Variants in ARHGEF10 observed in about 807,000 individuals in gnomAD.
The protein encoded by ARHGEF10 is Rho guanine nucleotide exchange factor (GEF) 10.
ARHGEF10 carries 140 observed loss-of-function variants against 147.4 expected under a neutral mutation model. That is an observed-to-expected ratio of 0.95 (90% confidence interval 0.83 to 1.09). The LOEUF (loss-of-function observed/expected upper bound fraction) is 1.09, where lower values mean the gene tolerates loss of function less well. Ranked by LOEUF, ARHGEF10 falls within the 50% of genes least tolerant of loss-of-function variation. The pLI, the probability that ARHGEF10 is intolerant of heterozygous loss-of-function variation, is 0.00. For synonymous variants in ARHGEF10, 902 were observed against 695.8 expected (o/e 1.30, Z -4.67); for missense variants, 2,222 against 1,752.7 (o/e 1.27, Z -4.78).
intron 8 of ARHGEF10, among the ~76,000 whole-genome samples, chr8:1,879,323 T>C (rs965071468): frequency 6.6e-6 from 1 of 152,188 alleles, no homozygotes; most frequent in African/African-American, 2.4e-5. Context: ...AATATGTCAC[T>C]TTCAGTATAG....
chr8:1,878,420 C>A (rs952786907), intron 8 of ARHGEF10, among the ~76,000 whole-genome samples: 1 of 152,080 alleles, frequency 6.6e-6, no homozygotes. Context: ...CTCCTGACCT[C>A]GTGATCTGCC....
At position 1,913,284 on chromosome 8, in the gene ARHGEF10, C is replaced by G. The variant is rs1811515037; in HGVS notation, c.2143+3814C>G. ...GAGAGCTGTTACCGCCCATCCTTCCCAGGGAGAAGTTCTTCGTGTGTGTGT... is the reference window on the plus strand; with the variant it reads ...GAGAGCTGTTACCGCCCATCCTTCCGAGGGAGAAGTTCTTCGTGTGTGTGT... On this transcript the variant is annotated intron_variant, in intron 18 of 28. Transcript: ENST00000349830. 2.7e-5 allele frequency among the ~76,000 whole-genome samples: 4 copies of G among 145,916 alleles called. No homozygotes were observed. In the Admixed American group the frequency reaches 2.7e-4, roughly 10 times the overall value.
In ARHGEF10 at chr8:1,928,418, C is replaced by G; in HGVS notation, c.2698-9C>G. On this transcript the variant is annotated splice_polypyrimidine_tract_variant and intron_variant, in intron 23 of 28. Coordinates refer to ENST00000349830, the MANE Select transcript of ARHGEF10 (RefSeq NM_014629.4). ...CGTTTTCTTCTTTCCTCCTAATTCT[C>G]TGATTCAGATCGGAAGTTGCACCCA... The G allele has an allele frequency of 6.3e-7, 1 of 1,592,000 alleles. No homozygotes were observed. The highest frequency in any genetic ancestry group is 8.6e-7 in the Non-Finnish European group (1 of 1,165,484).
chr8:1,936,651 T>C (rs1813634740), intron 26 of ARHGEF10, among the ~76,000 whole-genome samples: 1 of 152,224 alleles, frequency 6.6e-6, no homozygotes, highest in Non-Finnish European at 1.5e-5. Flanking sequence ...AGAAATGTTA[T>C]CATTAAGAGC....
intron 17 of ARHGEF10, among the ~76,000 whole-genome samples, chr8:1,907,374 C>G (rs536286209): frequency 2.6e-5 from 4 of 152,292 alleles, no homozygotes; most frequent in Admixed American, 2.0e-4. Context: ...CACGATGTGT[C>G]AAGTTGGGGA....
intron 1 of ARHGEF10, among the ~76,000 whole-genome samples, chr8:1,841,288 T>C (rs35376664): frequency 0.37 from 56,366 of 152,034 alleles, 10,912 homozygotes; most frequent in Non-Finnish European, 0.42. Context: ...TAGAAGGTTA[T>C]TTGGGTCACG....
intron 1 of ARHGEF10, among the ~76,000 whole-genome samples, chr8:1,824,898 C>T (rs1174350596): frequency 2.6e-5 from 1 of 38,572 alleles, no homozygotes; most frequent in East Asian, 8.0e-4. Context: ...TCCCCGCACC[C>T]CGTGTACCCC....
At chr8:1,845,891 C>T (rs961047562) in intron 2 of ARHGEF10, among the ~76,000 whole-genome samples, 1 of 152,180 alleles carries the variant, frequency 6.6e-6, no homozygotes, top group African/African-American at 2.4e-5. Context: ...GGGTTCCCTG[C>T]AGCAGGACAC....
Position 1,916,166 on chromosome 8 carries a change from G to A in ARHGEF10, c.2143+6696G>A, listed in dbSNP as rs113003984. On this transcript the variant is annotated intron_variant, in intron 18 of 28. Transcript: ENST00000349830. ...GGCCAGCCCACGGAAAGGTGCACAC[G>A]CAGGACGGCCTGTGGACAGGGTCCT... is the stretch of plus-strand genomic sequence containing the variant. Among the ~76,000 whole-genome samples, 280 of 152,292 alleles carry A rather than the reference G, an allele frequency of 1.8e-3. 1 individual carries two copies. Among genetic ancestry groups the A allele is most frequent in the African/African-American group, 6.4e-3 (267 of 41,580 alleles).
Position 1,957,959 on chromosome 8 carries a change from G to A in ARHGEF10, c.*696G>A, listed in dbSNP as rs1425550131. ...TTATCTGTAGCATTTCACAAATAAT[G>A]TTTGCTTTGAACCAAAATGCTCAGT... On this transcript the variant is annotated 3_prime_UTR_variant, in exon 29 of 29. Transcript: ENST00000349830. The A allele has an allele frequency of 6.6e-6, 1 of 152,226 alleles. No individual in the cohort carries two copies. Among genetic ancestry groups the A allele is most frequent in the Non-Finnish European group, 1.5e-5 (1 of 68,064 alleles). 9.4% of individuals were successfully genotyped at this position (152,226 alleles called of 1,614,324 possible).
At chr8:1,941,148 G>C (rs1814059549) in intron 26 of ARHGEF10, among the ~76,000 whole-genome samples, 1 of 152,208 alleles carries the variant, frequency 6.6e-6, no homozygotes, top group Non-Finnish European at 1.5e-5. Flanking sequence ...AAGAGTGGAG[G>C]ACTCAGATGA....
chr8:1,866,455 C>T, intron 5 of ARHGEF10, 71 bp from the exon 6 acceptor site: 1 of 1,255,918 alleles, frequency 8.0e-7, no homozygotes. Flanking sequence ...ACACACTCTG[C>T]AGGGCAGTTG....
At chr8:1,899,843 A>T (rs2129168621) in intron 15 of ARHGEF10, among the ~76,000 whole-genome samples, 1 of 152,338 alleles carries the variant, frequency 6.6e-6, no homozygotes, top group South Asian at 2.1e-4. Context: ...CGTGTGAGGG[A>T]GTCTGGCGCT....
intron 7 of ARHGEF10, among the ~76,000 whole-genome samples, chr8:1,873,510 T>TTGCG (rs36048880): frequency 0.039 from 1,743 of 45,014 alleles, 292 homozygotes; most frequent in East Asian, 0.13. Flanking sequence ...CATTTCCTCG[T>TTGCG]TTGAGAGGCG....
intron 22 of ARHGEF10, among the ~76,000 whole-genome samples, chr8:1,925,955 C>G (rs1218592395): frequency 6.6e-6 from 1 of 152,204 alleles, no homozygotes; most frequent in Non-Finnish European, 1.5e-5. Flanking sequence ...GCCAGGGTTT[C>G]CCAGCAGCTC....
intron 3 of ARHGEF10, among the ~76,000 whole-genome samples, chr8:1,859,307 C>T (rs1446232248): frequency 4.2e-5 from 6 of 143,826 alleles, no homozygotes; most frequent in Non-Finnish European, 7.7e-5. Context: ...GTGCAGCACG[C>T]GCCTCTCTGC....
Position 1,943,428 on chromosome 8 carries a change from C to G in ARHGEF10, c.3223-2053C>G, listed in dbSNP as rs142818887. Among the ~76,000 whole-genome samples the G allele has an allele frequency of 4.6e-5, 7 of 152,134 alleles. No homozygotes were observed. The East Asian group carries it at 1.4e-3, about 29-fold the overall frequency. ...GGAAGTGTGGGCCTGCACACCTTCT[C>G]CTCTGTGACGCAGGAGGCCAAGTCA... On this transcript the variant is annotated intron_variant, in intron 26 of 28. Coordinates refer to ENST00000349830, the MANE Select transcript of ARHGEF10 (RefSeq NM_014629.4).
In ARHGEF10 at chr8:1,903,461, G is replaced by C. The variant is rs1255213211; in HGVS notation, c.1821+10G>C. On this transcript the variant is annotated intron_variant, in intron 16 of 28. Transcript: ENST00000349830. Reference sequence around the variant, plus strand: ...AAGATACCTGAACAAGGTTGAGAGAGGTTTTCTTCAACTCTATTCCAAAAT... The same window carrying C: ...AAGATACCTGAACAAGGTTGAGAGACGTTTTCTTCAACTCTATTCCAAAAT... The C allele has an allele frequency of 1.2e-6, 2 of 1,613,936 alleles. No homozygotes were observed. Among genetic ancestry groups the C allele is most frequent in the South Asian group, 1.1e-5 (1 of 91,082 alleles).
At chr8:1,879,117 C>A (rs554583974) in intron 8 of ARHGEF10, among the ~76,000 whole-genome samples, 3 of 152,188 alleles carry the variant, frequency 2.0e-5, no homozygotes, top group Non-Finnish European at 4.4e-5. Context: ...CAAAAAATCT[C>A]GAATTTTGTT....
Sources: allele counts gnomAD v4.1 joint callset (sites outside exome capture counted in the v4.1 genomes callset), GRCh38; gene constraint gnomAD v4.1.1; transcripts MANE v1.5; gene names NCBI Gene and HGNC (gene_info 2026-07-23, HGNC 2026-07-21).